The following VOPP1 variants were observed in gnomAD, a reference collection of about 807,000 sequenced individuals.
VOPP1 encodes the protein VOPP1 WW domain binding protein.
Under a neutral mutation model 23.5 loss-of-function variants are expected in VOPP1, and 8 were observed. That is an observed-to-expected ratio of 0.34 (90% CI 0.20 to 0.61). The LOEUF is 0.61. Among genes scored for constraint, VOPP1 ranks in the 20% least tolerant of loss-of-function variants. The probability of loss-of-function intolerance (pLI) is 0.78; values close to 1 mark genes in which losing one functional copy is unlikely to be tolerated. For synonymous variants in VOPP1, 83 were observed against 97.3 expected, an observed-to-expected ratio of 0.85 and a Z score of 0.86; for missense variants, 174 against 238.1, an observed-to-expected ratio of 0.73 and a Z score of 1.77.
rs1268132738 is a variant in VOPP1 at position 55,471,351 on chromosome 7, G to A, written c.*1504C>T. ...TGTCTCCCACAAAATTCCCCAGGAG[G>A]TTCTCCGATTAAATGTCCTCAGAGT... On this transcript the variant is annotated 3_prime_UTR_variant, in exon 5 of 5. Transcript: ENST00000285279. The A allele has an allele frequency of 1.3e-5, 2 of 151,540 alleles. No homozygotes were observed. The highest frequency in any genetic ancestry group is 2.9e-5 in the Non-Finnish European group (2 of 67,888). The allele number at this position is 151,540 out of a possible 1,614,324, so 9.4% of individuals were successfully genotyped here.
At chr7:55,460,899 C>T (rs951031235) in intron 4 of VOPP1, among the ~76,000 whole-genome samples, 1 of 152,064 alleles carries the variant, frequency 6.6e-6, no homozygotes, top group Admixed American at 6.6e-5. Flanking sequence ...CTTGATGGCA[C>T]CATATAGTTG....
At chr7:55,562,759 A>G (rs1798030481) in intron 1 of VOPP1, among the ~76,000 whole-genome samples, 1 of 152,192 alleles carries the variant, frequency 6.6e-6, no homozygotes, top group Admixed American at 6.5e-5. Context: ...TCCACTGAGG[A>G]CAGACACAGA....
intron 4 of VOPP1, among the ~76,000 whole-genome samples, chr7:55,458,291 T>G (rs1791417372): frequency 6.6e-6 from 1 of 152,184 alleles, no homozygotes. Context: ...GTGTGTCTGT[T>G]TATATCAATA....
intron 2 of VOPP1, among the ~76,000 whole-genome samples, chr7:55,513,249 C>T (rs1273860354): frequency 1.3e-5 from 2 of 152,152 alleles, no homozygotes; most frequent in African/African-American, 4.8e-5. Context: ...ATCATCCCTA[C>T]ACACTGGCTC....
chr7:55,493,722 T>G (rs1009264824), intron 3 of VOPP1, among the ~76,000 whole-genome samples: 1 of 152,082 alleles, frequency 6.6e-6, no homozygotes, highest in Admixed American at 6.5e-5. Context: ...ACACTGAGCT[T>G]ACAGAGGAGG....
At chr7:55,466,118 C>CTCATA (rs1446597695), downstream of VOPP1, among the ~76,000 whole-genome samples, 1 of 152,186 alleles carries the variant, frequency 6.6e-6, no homozygotes, top group Non-Finnish European at 1.5e-5. Context: ...CTATGAACCA[C>CTCATA]GAAGCAGACA....
chr7:55,521,921 C>T (rs1244038930), intron 1 of VOPP1: 9 of 985,008 alleles, frequency 9.1e-6, no homozygotes, highest in Non-Finnish European at 8.4e-6. Flanking sequence ...TTATTCCATT[C>T]GTGCTGTCAT....
In VOPP1 at chr7:55,471,363, A is replaced by C. The variant is rs1430883322; in HGVS notation, c.*1492T>G. 9 of 151,918 alleles carry C rather than the reference A, an allele frequency of 5.9e-5. No individual in the cohort carries two copies. Among genetic ancestry groups the C allele is most frequent in the Admixed American group, 4.6e-4 (7 of 15,242 alleles). The allele number at this position is 151,918 out of a possible 1,614,324, so 9.4% of individuals were successfully genotyped here. A position where few individuals can be genotyped will look rare whatever the true frequency, so the allele number is the denominator to read the frequency against. On this transcript the variant is annotated 3_prime_UTR_variant, in exon 5 of 5. Transcript: ENST00000285279. ...AATTCCCCAGGAGGTTCTCCGATTAAATGTCCTCAGAGTGAAAAGCATGGA... is the reference window on the plus strand; with the variant it reads ...AATTCCCCAGGAGGTTCTCCGATTACATGTCCTCAGAGTGAAAAGCATGGA...
At chr7:55,468,737 C>G (rs1791699825), downstream of VOPP1, among the ~76,000 whole-genome samples, 1 of 152,140 alleles carries the variant, frequency 6.6e-6, no homozygotes. Context: ...TCAATGACAC[C>G]AATGTGGAGA....
At chr7:55,516,037 C>G in intron 2 of VOPP1, 7 of 985,460 alleles carry the variant, frequency 7.1e-6, no homozygotes, top group Non-Finnish European at 8.4e-6. Context: ...AGCAGAAGCT[C>G]AACTCGAGGA....
chr7:55,528,898 C>T (rs1358281924), intron 1 of VOPP1, among the ~76,000 whole-genome samples: 7 of 152,066 alleles, frequency 4.6e-5, no homozygotes, highest in African/African-American at 1.7e-4. Flanking sequence ...TAATTTAAGA[C>T]ACATTATATA....
chr7:55,504,446 G>A (rs537504905), intron 2 of VOPP1, among the ~76,000 whole-genome samples: 1 of 152,352 alleles, frequency 6.6e-6, no homozygotes, highest in East Asian at 1.9e-4. Context: ...ATGAGCCTCT[G>A]GGGGAGCAGA....
At chr7:55,562,175 C>T (rs1460740446) in intron 1 of VOPP1, 1 of 681,206 alleles carries the variant, frequency 1.5e-6, no homozygotes, top group African/African-American at 1.8e-5. Flanking sequence ...TGAAAGCTTT[C>T]CAAGGGCGCT....
chr7:55,503,907 G>A (rs192302932), intron 2 of VOPP1, among the ~76,000 whole-genome samples: 3 of 152,350 alleles, frequency 2.0e-5, no homozygotes, highest in African/African-American at 7.2e-5. Flanking sequence ...TGTTACAGCA[G>A]CCTGAACTTA....
At chr7:55,559,571 C>A (rs886386806) in intron 1 of VOPP1, among the ~76,000 whole-genome samples, 1 of 152,190 alleles carries the variant, frequency 6.6e-6, no homozygotes, top group African/African-American at 2.4e-5. Flanking sequence ...GTCCAAGGCT[C>A]TCATTATGAG....
At chr7:55,546,385 A>G (rs1232631005) in intron 1 of VOPP1, among the ~76,000 whole-genome samples, 4 of 152,252 alleles carry the variant, frequency 2.6e-5, no homozygotes, top group Non-Finnish European at 5.9e-5. Flanking sequence ...GTGAGGTGGT[A>G]GGATGCAAGA....
intron 3 of VOPP1, chr7:55,492,718 A>C: frequency 3.7e-6 from 1 of 271,078 alleles, no homozygotes; most frequent in Non-Finnish European, 6.9e-6. Flanking sequence ...GAAAAAGCTC[A>C]TGCAGTCACT....
intron 1 of VOPP1, among the ~76,000 whole-genome samples, chr7:55,542,914 TTTTTTA>T (rs1000600231): frequency 2.0e-4 from 31 of 152,160 alleles, no homozygotes; most frequent in African/African-American, 7.5e-4. Flanking sequence ...TCTTTTTTGT[TTTTTTA>T]TTTTTATTTT....
At chr7:55,544,659 G>A (rs1261617297) in intron 1 of VOPP1, among the ~76,000 whole-genome samples, 3 of 152,246 alleles carry the variant, frequency 2.0e-5, no homozygotes, top group East Asian at 1.9e-4. Context: ...ACTGACGAAT[G>A]TAATCTAACA....
Sources: allele counts gnomAD v4.1 joint callset (sites outside exome capture counted in the v4.1 genomes callset), GRCh38; gene constraint gnomAD v4.1.1; transcripts MANE v1.5; gene names NCBI Gene and HGNC (gene_info 2026-07-23, HGNC 2026-07-21).